The following RNF157 variants were observed in gnomAD, a reference collection of about 807,000 sequenced individuals.
RNF157 encodes the protein ring finger protein 157, also known as E3 ubiquitin ligase RNF157.
Under a neutral mutation model 88.3 loss-of-function variants are expected in RNF157, and 55 were observed. The observed-to-expected ratio is 0.62, with a 90% confidence interval of 0.50 to 0.78. The LOEUF (loss-of-function observed/expected upper bound fraction) is 0.78. Among genes scored for constraint, RNF157 ranks in the 30% least tolerant of loss-of-function variants. RNF157 has a pLI of 0.00. For missense variants in RNF157, 788 were observed against 860.8 expected (o/e 0.92, Z 1.06); for synonymous variants, 334 against 341.2 (o/e 0.98, Z 0.23).
At chr17:76,151,838 C>G (rs1175652966) in intron 18 of RNF157, among the ~76,000 whole-genome samples, 1 of 152,206 alleles carries the variant, frequency 6.6e-6, no homozygotes, top group East Asian at 1.9e-4. Context: ...ATGTACAATG[C>G]AACTGGTAAC....
chr17:76,194,503 C>T (rs2069440894), intron 2 of RNF157, among the ~76,000 whole-genome samples: 1 of 152,194 alleles, frequency 6.6e-6, no homozygotes, highest in African/African-American at 2.4e-5. Context: ...AAGCAGGACG[C>T]TTCTTAGTGG....
chr17:76,183,694 T>C (rs2069234674), intron 2 of RNF157, among the ~76,000 whole-genome samples: 1 of 152,154 alleles, frequency 6.6e-6, no homozygotes, highest in Non-Finnish European at 1.5e-5. Context: ...TCTACATTTA[T>C]TAGCTGGGAT....
In RNF157 at chr17:76,146,916, G is replaced by A. The variant is rs2068594166; in HGVS notation, c.1922-1563C>T. On this transcript the variant is annotated intron_variant, in intron 18 of 18. Transcript: ENST00000269391. The surrounding 1 kb of genome is among the most constrained non-coding windows in gnomAD (Gnocchi z 4.2). ...AGCCCAGGACATGAAACCCTTTAAT[G>A]GCATGTAGAGTCAACAGGTATAAAT... 1 of 985,290 alleles carries A rather than the reference G, an allele frequency of 1.0e-6. No homozygotes were observed. The allele number at this position is 985,290 out of a possible 1,614,324, so 61.0% of individuals were successfully genotyped here. A position where few individuals can be genotyped will look rare whatever the true frequency, so the allele number is the denominator to read the frequency against.
At chr17:76,230,973 C>CT (rs975772128) in intron 1 of RNF157, among the ~76,000 whole-genome samples, 4 of 146,872 alleles carry the variant, frequency 2.7e-5, no homozygotes, top group Non-Finnish European at 5.9e-5. Context: ...GGGTCTCACT[C>CT]TATCACTCAG....
chr17:76,207,086 A>G (rs991941885), intron 2 of RNF157, among the ~76,000 whole-genome samples: 5 of 152,142 alleles, frequency 3.3e-5, no homozygotes, highest in African/African-American at 9.7e-5. Flanking sequence ...CACACACTCT[A>G]GTTTCTTTAA....
intron 1 of RNF157, among the ~76,000 whole-genome samples, chr17:76,237,920 T>TA (rs928661513): frequency 3.3e-5 from 5 of 151,846 alleles, no homozygotes; most frequent in African/African-American, 1.2e-4. Flanking sequence ...CCATCTCCAC[T>TA]AAAAATACAA....
intron 1 of RNF157, among the ~76,000 whole-genome samples, chr17:76,231,182 A>G (rs1210542356): frequency 1.3e-5 from 2 of 152,076 alleles, no homozygotes. Flanking sequence ...TATTTTTAGC[A>G]GAGACAGGGT....
chr17:76,186,877 T>C (rs1044350947), intron 2 of RNF157, among the ~76,000 whole-genome samples: 35 of 151,532 alleles, frequency 2.3e-4, no homozygotes, highest in African/African-American at 8.0e-4. Flanking sequence ...GAGGCAGAGG[T>C]TGCAGTGAGC....
intron 18 of RNF157, chr17:76,147,127 T>G: frequency 2.0e-6 from 2 of 984,524 alleles, no homozygotes; most frequent in South Asian, 9.4e-5. Context: ...AGTCAAGGTG[T>G]TTTTTTTCAC....
chr17:76,216,267 T>C (rs186307889), intron 1 of RNF157, among the ~76,000 whole-genome samples: 2 of 152,200 alleles, frequency 1.3e-5, no homozygotes, highest in East Asian at 1.9e-4. Flanking sequence ...TAAAAATCCA[T>C]GGATGATTGG....
intron 1 of RNF157, among the ~76,000 whole-genome samples, chr17:76,232,133 T>C (rs2070202633): frequency 6.6e-6 from 1 of 152,178 alleles, no homozygotes; most frequent in Non-Finnish European, 1.5e-5. Flanking sequence ...CTGTAATTCC[T>C]GCACTTTGAG....
At chr17:76,175,436 C>G (rs1174068258) in intron 2 of RNF157, among the ~76,000 whole-genome samples, 2 of 152,102 alleles carry the variant, frequency 1.3e-5, no homozygotes, top group African/African-American at 2.4e-5. Context: ...TTCCACAAAG[C>G]TGACTCCAAC....
chr17:76,199,024 G>C (rs1042162691), intron 2 of RNF157, among the ~76,000 whole-genome samples: 1 of 152,176 alleles, frequency 6.6e-6, no homozygotes, highest in African/African-American at 2.4e-5. Flanking sequence ...CATTTCATCG[G>C]TATTTCTAGT....
chr17:76,147,882 G>A (rs886365918), intron 18 of RNF157, among the ~76,000 whole-genome samples: 1 of 152,186 alleles, frequency 6.6e-6, no homozygotes, highest in African/African-American at 2.4e-5. Context: ...TCATGTCTCA[G>A]TTTTTGGGAT....
chr17:76,235,726 TGGCTG>T (rs373111194), intron 1 of RNF157, among the ~76,000 whole-genome samples: 246 of 152,334 alleles, frequency 1.6e-3, no homozygotes, highest in Non-Finnish European at 2.4e-3. Context: ...GATACATCTA[TGGCTG>T]GGTACGGTAG....
intron 1 of RNF157, among the ~76,000 whole-genome samples, chr17:76,231,609 T>TGG (rs2070194412): frequency 6.6e-6 from 1 of 151,970 alleles, no homozygotes; most frequent in Non-Finnish European, 1.5e-5. Context: ...CTGGGTAATA[T>TGG]AGTGAGACCC....
intron 2 of RNF157, among the ~76,000 whole-genome samples, chr17:76,209,034 T>C (rs530388438): frequency 6.6e-6 from 1 of 151,860 alleles, no homozygotes; most frequent in East Asian, 1.9e-4. Context: ...GATTACTACA[T>C]AAAAGCAACA....
intron 11 of RNF157, among the ~76,000 whole-genome samples, 197 bp from the exon 12 acceptor site, chr17:76,159,770 C>T (rs1301471411): frequency 6.6e-6 from 1 of 151,870 alleles, no homozygotes; most frequent in African/African-American, 2.4e-5. Flanking sequence ...TAAGCTTTTT[C>T]TTAATAATCT....
At chr17:76,149,000 C>T (rs535259785) in intron 18 of RNF157, among the ~76,000 whole-genome samples, 4 of 152,274 alleles carry the variant, frequency 2.6e-5, no homozygotes, top group South Asian at 4.1e-4. Context: ...AGCGTGGTCT[C>T]GCAATTCTAG....
Sources: allele counts gnomAD v4.1 joint callset (sites outside exome capture counted in the v4.1 genomes callset), GRCh38; gene constraint gnomAD v4.1.1; non-coding constraint Gnocchi (gnomAD v3.1); transcripts MANE v1.5; gene names NCBI Gene and HGNC (gene_info 2026-07-23, HGNC 2026-07-21).